The following C12orf75 variants were observed in gnomAD, a reference collection of about 807,000 sequenced individuals.
The protein encoded by C12orf75 is overexpressed in colon carcinoma 1 protein.
In C12orf75, 4 loss-of-function variants were observed where a neutral mutation model predicts 11.4. The ratio of observed to expected loss-of-function variants is 0.35; its 90% CI spans 0.17 to 0.80. The LOEUF (loss-of-function observed/expected upper bound fraction) is 0.80. Ranked by LOEUF, C12orf75 falls within the 30% of genes least tolerant of loss-of-function variation. The pLI is 0.52. For missense variants in C12orf75, 89 were observed against 80.4 expected (o/e 1.11, Z -0.41); for synonymous variants, 30 against 30.0 (o/e 1.00, Z 0.00).
Position 105,371,216 on chromosome 12 carries a change from A to G in C12orf75, c.*616A>G, listed in dbSNP as rs1333292218. 1.3e-5 allele frequency: 2 copies of G among 153,122 alleles called. No individual in the cohort carries two copies. Among genetic ancestry groups the G allele is most frequent in the African/African-American group, 4.8e-5 (2 of 41,426 alleles). 9.5% of individuals were successfully genotyped at this position (153,122 alleles called of 1,614,324 possible). A position where few individuals can be genotyped will look rare whatever the true frequency, so the allele number is the denominator to read the frequency against. On this transcript the variant is annotated 3_prime_UTR_variant, in exon 6 of 6. Transcript: ENST00000443585. ...CTTTTTTAGGAACAATGTGTATTTC[A>G]TTGCACTATTTAAAAATAAACTCAA...
chr12:105,330,731 C>G lies in C12orf75; in HGVS notation c.-161C>G, dbSNP rs1447862409. 2 of 622,418 alleles carry G rather than the reference C, an allele frequency of 3.2e-6. No individual in the cohort carries two copies. The highest frequency in any genetic ancestry group is 4.4e-6 in the Non-Finnish European group (2 of 454,966). The allele number at this position is 622,418 out of a possible 1,614,324, so 38.6% of individuals were successfully genotyped here. ...GCCCGCAGCCCGCTGCGCCCCGGGC[C>G]GCGTCTCCCGGCGGTGGGAGGGGGC... On this transcript the variant is annotated 5_prime_UTR_variant, in exon 1 of 6. Transcript: ENST00000443585.
intron 5 of C12orf75, among the ~76,000 whole-genome samples, chr12:105,369,440 CTTATTT>C (rs1871568728): frequency 1.3e-5 from 2 of 151,846 alleles, no homozygotes; most frequent in Admixed American, 1.3e-4. Flanking sequence ...ATTTATTTTA[CTTATTT>C]TTATTTTTAT....
At chr12:105,336,961 T>C in intron 1 of C12orf75, among the ~76,000 whole-genome samples, 1 of 152,144 alleles carries the variant, frequency 6.6e-6, no homozygotes, top group East Asian at 1.9e-4. Flanking sequence ...ATTGATGGCA[T>C]CCAAAGCGAG....
At chr12:105,354,589 G>A (rs1892752299) in intron 2 of C12orf75, among the ~76,000 whole-genome samples, 1 of 152,178 alleles carries the variant, frequency 6.6e-6, no homozygotes, top group East Asian at 1.9e-4. Flanking sequence ...AGAATTATTA[G>A]TTAGTTTAAA....
At chr12:105,366,111 G>A in intron 3 of C12orf75, 2 of 433,236 alleles carry the variant, frequency 4.6e-6, no homozygotes, top group Non-Finnish European at 4.1e-6. Context: ...CTCCCTAACT[G>A]GATGACTTCC....
chr12:105,364,346 G>C (rs1871396398), intron 2 of C12orf75, among the ~76,000 whole-genome samples: 2 of 152,210 alleles, frequency 1.3e-5, no homozygotes, highest in Admixed American at 6.5e-5. Flanking sequence ...CCAGCGTTAA[G>C]AGGTAAATGA....
intron 2 of C12orf75, among the ~76,000 whole-genome samples, chr12:105,360,866 C>T (rs1566141724): frequency 6.6e-6 from 1 of 152,070 alleles, no homozygotes; most frequent in Non-Finnish European, 1.5e-5. Context: ...ACCTCCGCCT[C>T]CCAGGTTCAA....
intron 2 of C12orf75, among the ~76,000 whole-genome samples, 183 bp from the exon 3 acceptor site, chr12:105,365,624 A>G (rs1871449151): frequency 6.6e-6 from 1 of 152,228 alleles, no homozygotes; most frequent in South Asian, 2.1e-4. Context: ...TGAATGATTG[A>G]GGTGAAGGCA....
At chr12:105,348,547 A>G in intron 1 of C12orf75, 55 bp from the exon 2 acceptor site, 1 of 1,304,550 alleles carries the variant, frequency 7.7e-7, no homozygotes. Flanking sequence ...ATTAGACAAC[A>G]TTTTTGTAGC....
rs147031542 is a variant in C12orf75, at chr12:105,334,392, T to G, written c.46+3455T>G. ...AGAATATAATCTGGACCTTCAAGTTTCCAGGAGATATTGAATGACACAGTT... is the reference window on the plus strand; with the variant it reads ...AGAATATAATCTGGACCTTCAAGTTGCCAGGAGATATTGAATGACACAGTT... On this transcript the variant is annotated intron_variant, in intron 1 of 5. Coordinates refer to ENST00000443585, the MANE Select transcript of C12orf75 (RefSeq NM_001145199.2). 3.1e-4 allele frequency among the ~76,000 whole-genome samples: 47 copies of G among 152,354 alleles called. No individual in the cohort carries two copies. The East Asian group carries it at 8.3e-3, about 27-fold the overall frequency.
intron 5 of C12orf75, among the ~76,000 whole-genome samples, chr12:105,369,503 A>G (rs1037031635): frequency 6.6e-6 from 1 of 152,224 alleles, no homozygotes; most frequent in Non-Finnish European, 1.5e-5. Flanking sequence ...CAGGCTTGTT[A>G]CATAGGTAAA....
At chr12:105,341,817 G>A (rs796179561) in intron 1 of C12orf75, among the ~76,000 whole-genome samples, 6 of 152,306 alleles carry the variant, frequency 3.9e-5, no homozygotes, top group African/African-American at 1.4e-4. Flanking sequence ...TCAAGGGCTG[G>A]GCCAGATGGA....
chr12:105,363,337 G>A (rs143332295), intron 2 of C12orf75, among the ~76,000 whole-genome samples: 1 of 152,348 alleles, frequency 6.6e-6, no homozygotes, highest in East Asian at 1.9e-4. Context: ...TAGTGTTGTA[G>A]AATAACTGTT....
intron 2 of C12orf75, among the ~76,000 whole-genome samples, chr12:105,360,615 C>T (rs2136149965): frequency 6.6e-6 from 1 of 152,332 alleles, no homozygotes; most frequent in South Asian, 2.1e-4. Flanking sequence ...CTCCTTTTGG[C>T]ACTTACATGT....
intron 3 of C12orf75, chr12:105,366,195 G>A (rs1871468831): frequency 6.3e-6 from 2 of 319,450 alleles, no homozygotes; most frequent in Non-Finnish European, 5.7e-6. Flanking sequence ...CTCTCTTGCT[G>A]TCTCTGCCCT....
At chr12:105,332,522 A>G (rs1400925630) in intron 1 of C12orf75, among the ~76,000 whole-genome samples, 1 of 152,100 alleles carries the variant, frequency 6.6e-6, no homozygotes, top group Non-Finnish European at 1.5e-5. Flanking sequence ...ATCTGAGCTC[A>G]GGAACTCGAG....
At chr12:105,352,452 A>G (rs376293230) in intron 2 of C12orf75, among the ~76,000 whole-genome samples, 1 of 152,228 alleles carries the variant, frequency 6.6e-6, no homozygotes, top group East Asian at 1.9e-4. Context: ...AAATTTGGAA[A>G]GTACAGGAAA....
At chr12:105,354,971 G>A (rs965455005) in intron 2 of C12orf75, among the ~76,000 whole-genome samples, 2 of 151,916 alleles carry the variant, frequency 1.3e-5, no homozygotes, top group Non-Finnish European at 2.9e-5. Context: ...TGGGACTATC[G>A]AAAGGAGGAT....
At chr12:105,358,582 G>T (rs969283300) in intron 2 of C12orf75, among the ~76,000 whole-genome samples, 7 of 152,200 alleles carry the variant, frequency 4.6e-5, no homozygotes, top group Non-Finnish European at 8.8e-5. Flanking sequence ...GATGGTATTT[G>T]AGGTTATGAT....
Sources: gnomAD v4.1 joint callset for allele counts (sites outside exome capture counted in the v4.1 genomes callset) on GRCh38, gnomAD v4.1.1 for gene constraint, MANE v1.5 for transcripts, NCBI Gene and HGNC (gene_info 2026-07-23, HGNC 2026-07-21) for gene names.